XPNPEP3: variants seen among roughly 807,000 people sequenced by gnomAD.
XPNPEP3 encodes the protein xaa-Pro aminopeptidase 3.
Under a neutral mutation model 60.0 loss-of-function variants are expected in XPNPEP3, and 41 were observed. The ratio of observed to expected loss-of-function variants is 0.68; its 90% confidence interval spans 0.53 to 0.89. The LOEUF is 0.89. Among genes scored for constraint, XPNPEP3 ranks in the 40% least tolerant of loss-of-function variants. The pLI is 0.00. For missense variants in XPNPEP3, 598 were observed against 638.9 expected (o/e 0.94, Z 0.69); for synonymous variants, 212 against 223.2 (o/e 0.95, Z 0.45).
chr22:40,889,287 AAC>A (rs1376348907), intron 4 of XPNPEP3, among the ~76,000 whole-genome samples: 1 of 152,012 alleles, frequency 6.6e-6, no homozygotes, highest in Non-Finnish European at 1.5e-5. Context: ...AGCCTCCCAA[AAC>A]ACTAAGATCA....
rs1006404107 is a variant in XPNPEP3 at position 40,926,533 on chromosome 22, T to C, written c.*98T>C. The C allele has an allele frequency of 1.4e-5, 19 of 1,383,000 alleles. No homozygotes were observed. Among genetic ancestry groups the C allele is most frequent in the Admixed American group, 8.4e-5 (5 of 59,612 alleles). 85.7% of individuals were successfully genotyped at this position (1,383,000 alleles called of 1,614,324 possible). A position where few individuals can be genotyped will look rare whatever the true frequency, so the allele number is the denominator to read the frequency against. ...GAGTGTCTCTGTGTGTGCATTAATA[T>C]ATGCATTCCATTTGGGAGCATAGCA... is the stretch of plus-strand genomic sequence containing the variant. On this transcript the variant is annotated 3_prime_UTR_variant, in exon 10 of 10. Coordinates refer to ENST00000357137, the MANE Select transcript of XPNPEP3 (RefSeq NM_022098.4).
intron 4 of XPNPEP3, among the ~76,000 whole-genome samples, chr22:40,892,056 G>A (rs914498461): frequency 1.3e-5 from 2 of 152,186 alleles, no homozygotes; most frequent in Admixed American, 1.3e-4. Flanking sequence ...CTGTCATAGT[G>A]CATGCTGTAA....
At chr22:40,884,783 C>T (rs1018654174) in intron 3 of XPNPEP3, among the ~76,000 whole-genome samples, 6 of 150,610 alleles carry the variant, frequency 4.0e-5, no homozygotes, top group East Asian at 2.0e-4. Flanking sequence ...CCCAGCACTT[C>T]GGGAGGCCAA....
chr22:40,876,334 G>A (rs1408354794), intron 2 of XPNPEP3, among the ~76,000 whole-genome samples: 8 of 152,074 alleles, frequency 5.3e-5, no homozygotes, highest in African/African-American at 1.7e-4. Flanking sequence ...TTGGATTCCC[G>A]GGTGACAACC....
chr22:40,873,019 G>A (rs1479395529), intron 2 of XPNPEP3, among the ~76,000 whole-genome samples: 1 of 151,924 alleles, frequency 6.6e-6, no homozygotes, highest in Non-Finnish European at 1.5e-5. Flanking sequence ...GGGCTACTCA[G>A]GGAGTTGGGC....
intron 6 of XPNPEP3, 95 bp from the exon 7 acceptor site, chr22:40,914,144 G>GAA (rs35631136): frequency 0.014 from 11,143 of 824,294 alleles, 1 homozygote; most frequent in Non-Finnish European, 0.017. Context: ...CTCCGTCTCA[G>GAA]AAAAAAAAAA....
At chr22:40,864,322 G>A (rs1667068157) in intron 1 of XPNPEP3, among the ~76,000 whole-genome samples, 4 of 152,132 alleles carry the variant, frequency 2.6e-5, no homozygotes, top group Admixed American at 2.6e-4. Context: ...GTTTTAGTGG[G>A]GTTTGGCCAG....
chr22:40,907,456 A>C, intron 4 of XPNPEP3, 131 bp from the exon 5 acceptor site: 1 of 857,132 alleles, frequency 1.2e-6, no homozygotes, highest in Non-Finnish European at 2.0e-6. Context: ...TATTACCCCC[A>C]GTAGGTCACA....
chr22:40,885,565 T>G (rs1011399576), intron 3 of XPNPEP3, among the ~76,000 whole-genome samples: 6 of 152,184 alleles, frequency 3.9e-5, no homozygotes, highest in Non-Finnish European at 8.8e-5. Flanking sequence ...GATCATTATG[T>G]GAAAGGATGG....
At chr22:40,913,448 A>AG (rs1303813383) in intron 6 of XPNPEP3, among the ~76,000 whole-genome samples, 5 of 151,942 alleles carry the variant, frequency 3.3e-5, no homozygotes, top group African/African-American at 9.7e-5. Context: ...AAAAAAAAAA[A>AG]AAAAAAGAGG....
chr22:40,891,645 T>C (rs2088169975), intron 4 of XPNPEP3, among the ~76,000 whole-genome samples: 1 of 148,990 alleles, frequency 6.7e-6, no homozygotes, highest in Non-Finnish European at 1.5e-5. Context: ...AGAGTGAGAC[T>C]CCATCTCAAA....
rs2058258913 is a variant in XPNPEP3, at chr22:40,932,680, TTATA to T, written c.*6248_*6251del. On this transcript the variant is annotated 3_prime_UTR_variant, in exon 10 of 10. Coordinates refer to ENST00000357137, the MANE Select transcript of XPNPEP3 (RefSeq NM_022098.4). ...AATGCTTTCCATGACTTTTGTGCAA[TTATA>T]TAAGTTCAGTTTAGACAAAATGCTG... The T allele has an allele frequency of 6.6e-6, 1 of 152,206 alleles. No individual in the cohort carries two copies. Among genetic ancestry groups the T allele is most frequent in the Non-Finnish European group, 1.5e-5 (1 of 68,044 alleles). The allele number at this position is 152,206 out of a possible 1,614,324, so 9.4% of individuals were successfully genotyped here.
intron 7 of XPNPEP3, among the ~76,000 whole-genome samples, chr22:40,921,910 G>A (rs1291888884): frequency 6.6e-6 from 1 of 151,936 alleles, no homozygotes; most frequent in Non-Finnish European, 1.5e-5. Context: ...TAGTAGCCCA[G>A]ATGTTGACTA....
At chr22:40,899,748 G>A (rs1244884065) in intron 4 of XPNPEP3, among the ~76,000 whole-genome samples, 1 of 150,914 alleles carries the variant, frequency 6.6e-6, no homozygotes, top group Non-Finnish European at 1.5e-5. Context: ...GAACCTGGGA[G>A]GTGGAGGTTG....
At chr22:40,882,321 T>G in intron 3 of XPNPEP3, 144 bp downstream of exon 3, 1 of 966,922 alleles carries the variant, frequency 1.0e-6, no homozygotes, top group Non-Finnish European at 1.5e-6. Context: ...AAAGTCTTTT[T>G]CAGAAGATTG....
chr22:40,918,759 G>A (rs1375436879), intron 7 of XPNPEP3, among the ~76,000 whole-genome samples: 1 of 147,328 alleles, frequency 6.8e-6, no homozygotes, highest in African/African-American at 2.4e-5. Flanking sequence ...GGGTATTCTG[G>A]GATAGTCTGC....
chr22:40,898,638 T>C (rs1227253763), intron 4 of XPNPEP3, among the ~76,000 whole-genome samples: 1 of 152,338 alleles, frequency 6.6e-6, no homozygotes, highest in East Asian at 1.9e-4. Context: ...TTCTTGATTT[T>C]ATTTCTTTTA....
At chr22:40,922,934 C>A (rs1160618989) in intron 8 of XPNPEP3, among the ~76,000 whole-genome samples, 1 of 152,156 alleles carries the variant, frequency 6.6e-6, no homozygotes, top group Non-Finnish European at 1.5e-5. Context: ...TCATTACATG[C>A]TGCATAACTA....
rs377767069 is a variant in XPNPEP3, at chr22:40,924,348, A to G, written c.1237-14A>G. ...TCATTGCTCTAATGATACTGTGACA[A>G]TTATCTTTTCCAGGCTGCTCGAAAA... On this transcript the variant is annotated splice_polypyrimidine_tract_variant and intron_variant, in intron 8 of 9. Transcript: ENST00000357137. 3 of 1,613,972 alleles carry G rather than the reference A, an allele frequency of 1.9e-6. No individual in the cohort carries two copies. Among genetic ancestry groups the G allele is most frequent in the Non-Finnish European group, 2.5e-6 (3 of 1,180,000 alleles).
Sources: gnomAD v4.1 joint callset for allele counts (sites outside exome capture counted in the v4.1 genomes callset) on GRCh38, gnomAD v4.1.1 for gene constraint, MANE v1.5 for transcripts, NCBI Gene and HGNC (gene_info 2026-07-23, HGNC 2026-07-21) for gene names.